The following ENAH variants were observed in gnomAD, a reference collection of about 807,000 sequenced individuals.
ENAH encodes the protein protein enabled homolog.
ENAH carries 23 observed loss-of-function variants against 78.7 expected under a neutral mutation model. The ratio of observed to expected loss-of-function variants is 0.29; its 90% CI spans 0.21 to 0.41. The LOEUF (loss-of-function observed/expected upper bound fraction) is 0.41. Ranked by LOEUF, ENAH falls within the 10% of genes least tolerant of loss-of-function variation. ENAH has a pLI of 1.00. For missense variants in ENAH, 544 were observed against 691.0 expected, an observed-to-expected ratio of 0.79 and a Z score of 2.39; for synonymous variants, 226 against 241.0, an observed-to-expected ratio of 0.94 and a Z score of 0.58.
chr1:225,645,237 G>C (rs1661736913), intron 1 of ENAH, among the ~76,000 whole-genome samples: 1 of 152,096 alleles, frequency 6.6e-6, no homozygotes, highest in African/African-American at 2.4e-5. Flanking sequence ...GAGATCTTCT[G>C]GTGTTATTAT....
chr1:225,544,771 T>C (rs913733602), intron 3 of ENAH, among the ~76,000 whole-genome samples: 1 of 152,220 alleles, frequency 6.6e-6, no homozygotes, highest in Non-Finnish European at 1.5e-5. Context: ...GTATTTATTG[T>C]AATTTAGTAT....
intron 4 of ENAH, among the ~76,000 whole-genome samples, chr1:225,520,059 C>T (rs757925824): frequency 1.3e-5 from 2 of 151,800 alleles, no homozygotes; most frequent in Admixed American, 6.6e-5. Flanking sequence ...TTTGGGAGGC[C>T]GAGGCAGGTG....
chr1:225,566,137 G>C (rs1042934201), intron 2 of ENAH, among the ~76,000 whole-genome samples: 3 of 151,510 alleles, frequency 2.0e-5, no homozygotes, highest in Non-Finnish European at 4.4e-5. Context: ...CATTTCTCGG[G>C]GGAGCTTCTA....
At chr1:225,506,298 G>A (rs1236778613) in intron 11 of ENAH, among the ~76,000 whole-genome samples, 1 of 152,152 alleles carries the variant, frequency 6.6e-6, no homozygotes, top group Non-Finnish European at 1.5e-5. Context: ...AGTGATTCTT[G>A]TGTCTCAGCC....
Position 225,519,374 on chromosome 1 carries a change from C to T in ENAH, c.626G>A (p.Arg209His), listed in dbSNP as rs991725836. The T allele has an allele frequency of 1.8e-5, 29 of 1,607,764 alleles. No homozygotes were observed. Among genetic ancestry groups the T allele is most frequent in the Non-Finnish European group, 2.4e-5 (28 of 1,177,452 alleles). Residue 209 changes from arginine to histidine, a missense_variant, in exon 5 of 14, where the codon CGC (arginine) becomes CAC (histidine). Around this residue, in one of 4 missense-constraint regions of ENAH, gnomAD observed 366 missense variants for 396.1 expected, o/e 0.92. Coordinates refer to ENST00000366843, the MANE Select transcript of ENAH (RefSeq NM_018212.6). ...ERQERLERQERLERQERLERQ... is the reference protein window; with the variant it reads ...ERQERLERQEHLERQERLERQ... Reference sequence around the variant, plus strand: ...CTCCAGGCGTTCCTGCCGCTCCAGGCGTTCCTGCCGCTCCAGGCGTTCCTG... The same window carrying T: ...CTCCAGGCGTTCCTGCCGCTCCAGGTGTTCCTGCCGCTCCAGGCGTTCCTG...
chr1:225,558,778 C>T lies in ENAH; in HGVS notation c.172-3695G>A, dbSNP rs866223956. On this transcript the variant is annotated intron_variant, in intron 2 of 13. Transcript: ENST00000366843. ...CCTCCCGAGTAGCTGGGACTACAGG[C>T]GCCCGCCAACACACCCGGCTAATTT... Among the ~76,000 whole-genome samples, 14 of 152,012 alleles carry T rather than the reference C, an allele frequency of 9.2e-5. No homozygotes were observed. In the South Asian group the frequency reaches 1.9e-3, roughly 20 times the overall value.
intron 1 of ENAH, among the ~76,000 whole-genome samples, chr1:225,585,797 T>TAATA (rs2096843218): frequency 6.6e-6 from 1 of 151,090 alleles, no homozygotes; most frequent in Non-Finnish European, 1.5e-5. Context: ...TAAAAAATAA[T>TAATA]AATAAATAAA....
chr1:225,565,178 A>G (rs1379107186), intron 2 of ENAH, among the ~76,000 whole-genome samples: 2 of 152,134 alleles, frequency 1.3e-5, no homozygotes, highest in African/African-American at 4.8e-5. Context: ...GCTCACGCCT[A>G]TAATCCTTGC....
chr1:225,645,781 C>T (rs1053898892), intron 1 of ENAH, among the ~76,000 whole-genome samples: 2 of 152,054 alleles, frequency 1.3e-5, no homozygotes, highest in African/African-American at 4.8e-5. Context: ...AAAGTATATT[C>T]GATCCCAAAA....
rs144130486 is a variant in ENAH at position 225,571,578 on chromosome 1, A to G, written c.6-4164T>C. ...GATTCTTGGCTGAAGGGGCTTCTAG[A>G]TGGCTTCAGATGGGGCCAAGTGGCC... On this transcript the variant is annotated intron_variant, in intron 1 of 13. Coordinates refer to ENST00000366843, the MANE Select transcript of ENAH (RefSeq NM_018212.6). Among the ~76,000 whole-genome samples the G allele has an allele frequency of 4.5e-4, 69 of 152,102 alleles. 1 individual carries two copies. Among genetic ancestry groups the G allele is most frequent in the African/African-American group, 1.5e-3 (62 of 41,504 alleles).
At chr1:225,548,325 T>C (rs1191764464) in intron 3 of ENAH, among the ~76,000 whole-genome samples, 4 of 152,112 alleles carry the variant, frequency 2.6e-5, no homozygotes, top group African/African-American at 9.7e-5. Context: ...ACTCACATTT[T>C]ATAAATTAGG....
At position 225,624,500 on chromosome 1, in the gene ENAH, T is replaced by C. The variant is rs1299628885; in HGVS notation, c.5+28186A>G. Among the ~76,000 whole-genome samples, 4 of 152,006 alleles carry C rather than the reference T, an allele frequency of 2.6e-5. No homozygotes were observed. In the East Asian group the frequency reaches 5.8e-4, roughly 22 times the overall value. ...TTAGCTGGGTGGGGTGGTAGGCGCC[T>C]GTAATACCAGCTACTTGGGAGGCTG... On this transcript the variant is annotated intron_variant, in intron 1 of 13. Transcript: ENST00000366843.
At chr1:225,598,625 T>C (rs2096914479) in intron 1 of ENAH, among the ~76,000 whole-genome samples, 1 of 151,476 alleles carries the variant, frequency 6.6e-6, no homozygotes, top group African/African-American at 2.4e-5. Flanking sequence ...ATGTATAACC[T>C]TTAAACCAGA....
In ENAH at chr1:225,514,619, C is replaced by G. The variant is rs1424381690; in HGVS notation, c.1195G>C (p.Ala399Pro). Reference protein sequence around the residue: ...LTGLAAAIAGAKLRKVSRMED... With the variant: ...LTGLAAAIAGPKLRKVSRMED... ...ACCCGTGACACTTTCCTAAGTTTTGCTCCGGCAATTGCAGCTGCAAGTCCA... is the reference window on the plus strand; with the variant it reads ...ACCCGTGACACTTTCCTAAGTTTTGGTCCGGCAATTGCAGCTGCAAGTCCA... Residue 399 changes from alanine (A) to proline (P), a missense_variant, in exon 7 of 14, where the codon GCA becomes CCA. Transcript: ENST00000366843. 3 of 1,611,762 alleles carry G rather than the reference C, an allele frequency of 1.9e-6. No individual in the cohort carries two copies. The African/African-American group carries it at 4.0e-5, about 22-fold the overall frequency.
At chr1:225,615,682 C>G (rs1037330951) in intron 1 of ENAH, among the ~76,000 whole-genome samples, 11 of 151,492 alleles carry the variant, frequency 7.3e-5, no homozygotes, top group African/African-American at 2.7e-4. Context: ...AGGAGCGCCT[C>G]TGCCCAGCCG....
intron 1 of ENAH, among the ~76,000 whole-genome samples, chr1:225,626,863 C>A (rs1658036242): frequency 6.6e-6 from 1 of 152,152 alleles, no homozygotes; most frequent in Non-Finnish European, 1.5e-5. Context: ...TGAAAATGAG[C>A]TGAGTGGACA....
chr1:225,551,559 C>T (rs544000058), intron 3 of ENAH, among the ~76,000 whole-genome samples: 13 of 152,072 alleles, frequency 8.5e-5, no homozygotes, highest in African/African-American at 2.9e-4. Flanking sequence ...GTTGCGGATC[C>T]GGAACCCTAT....
At chr1:225,641,152 C>G (rs531706353) in intron 1 of ENAH, among the ~76,000 whole-genome samples, 1 of 151,432 alleles carries the variant, frequency 6.6e-6, no homozygotes, top group Non-Finnish European at 1.5e-5. Flanking sequence ...CATGAGCCAC[C>G]GCGCCCGGCC....
At chr1:225,519,090 G>T in intron 5 of ENAH, 108 bp downstream of exon 5, 1 of 1,470,902 alleles carries the variant, frequency 6.8e-7, no homozygotes, top group Non-Finnish European at 9.1e-7. Flanking sequence ...CAAATTGTAT[G>T]GCTTAATCCC....
Sources: gnomAD v4.1 joint callset for allele counts (sites outside exome capture counted in the v4.1 genomes callset) on GRCh38, gnomAD v4.1.1 for gene constraint, gnomAD v4.1.1 regional missense constraint, MANE v1.5 for transcripts, NCBI Gene and HGNC (gene_info 2026-07-23, HGNC 2026-07-21) for gene names.